The following BEND3 variants were observed in gnomAD, a reference collection of about 807,000 sequenced individuals.
The protein encoded by BEND3 is BEN domain containing 3.
A neutral mutation model predicts 60.1 loss-of-function variants in BEND3; 13 were observed. The ratio of observed to expected loss-of-function variants is 0.22; its 90% confidence interval spans 0.14 to 0.34. The LOEUF (loss-of-function observed/expected upper bound fraction) is 0.34. BEND3 is among the 10% of genes least tolerant of loss of function. The pLI is 1.00. For missense variants in BEND3, 896 were observed against 1,138.1 expected, an observed-to-expected ratio of 0.79 and a Z score of 3.06; for synonymous variants, 497 against 491.5, an observed-to-expected ratio of 1.01 and a Z score of -0.15.
rs568428354 is a variant in BEND3 at position 107,084,454 on chromosome 6, TGCACCAATCAGCACTCTGTAAAAAC to T, written c.241-13529_241-13505del. Among the ~76,000 whole-genome samples the T allele has an allele frequency of 2.9e-3, 435 of 150,104 alleles. 3 individuals are homozygous for T. The highest frequency in any genetic ancestry group is 0.01 in the African/African-American group (410 of 40,652). On this transcript the variant is annotated intron_variant, in intron 3 of 3. Coordinates refer to ENST00000369042, the MANE Select transcript of BEND3 (RefSeq NM_001367314.1). Reference sequence around the variant, plus strand: ...CTGTGTCTAGCTAAAGGACTATAAATGCACCAATCAGCACTCTGTAAAAACGCACCAATCAGCACTCTGTAAAAAC... The same window carrying T: ...CTGTGTCTAGCTAAAGGACTATAAATGCACCAATCAGCACTCTGTAAAAAC...
intron 3 of BEND3, among the ~76,000 whole-genome samples, chr6:107,088,578 T>TA (rs1411071322): frequency 5.9e-5 from 9 of 151,788 alleles, no homozygotes; most frequent in Admixed American, 1.3e-4. Flanking sequence ...AATCAAAGAT[T>TA]AAAAAAAATC....
intron 3 of BEND3, among the ~76,000 whole-genome samples, chr6:107,097,050 T>C (rs1333127355): frequency 2.0e-5 from 3 of 151,860 alleles, no homozygotes; most frequent in African/African-American, 4.8e-5. Context: ...GTGAAAGGTA[T>C]AGTATGTGAA....
rs374180416 is a variant in BEND3, at chr6:107,069,731, G to A, written c.1460C>T (p.Ala487Val). ...NDELEGLGLD[A>V]GSEGDPPRDD... ...ACGCGGGGGGTCGCCTTCACTGCCC[G>A]CGTCCAGCCCCAGGCCCTCGAGCTC... Residue 487 changes from alanine to valine, a missense_variant, in exon 4 of 4, where the codon GCG (alanine) becomes GTG (valine). This residue lies in a region of BEND3 where 846 missense variants were observed against 1,036.7 expected (regional missense o/e 0.82). Transcript: ENST00000369042. The A allele has an allele frequency of 2.7e-5, 44 of 1,611,398 alleles. No individual in the cohort carries two copies. The highest frequency in any genetic ancestry group is 1.5e-4 in the Admixed American group (9 of 59,994).
intron 3 of BEND3, among the ~76,000 whole-genome samples, chr6:107,093,302 T>C (rs1239628046): frequency 3.3e-5 from 5 of 151,690 alleles, no homozygotes; most frequent in African/African-American, 9.7e-5. Flanking sequence ...CTACTAAAAA[T>C]ACAAAAAAAT....
At chr6:107,088,549 C>T (rs1428169125) in intron 3 of BEND3, among the ~76,000 whole-genome samples, 3 of 152,104 alleles carry the variant, frequency 2.0e-5, no homozygotes, top group African/African-American at 7.2e-5. Flanking sequence ...CCTAGGCATA[C>T]TGTTTTCAAA....
intron 1 of BEND3, among the ~76,000 whole-genome samples, chr6:107,110,012 C>T (rs187852220): frequency 2.1e-5 from 3 of 139,850 alleles, no homozygotes; most frequent in Admixed American, 1.5e-4. Context: ...TCCTGGGTGA[C>T]AGAGTGAGAC....
intron 3 of BEND3, among the ~76,000 whole-genome samples, chr6:107,074,079 GCA>G (rs1775047612): frequency 6.6e-6 from 1 of 152,096 alleles, no homozygotes; most frequent in African/African-American, 2.4e-5. Context: ...AGGAGACAGT[GCA>G]CACACAGCAC....
At chr6:107,093,984 T>C (rs543014394) in intron 3 of BEND3, among the ~76,000 whole-genome samples, 34 of 152,316 alleles carry the variant, frequency 2.2e-4, no homozygotes, top group African/African-American at 7.9e-4. Context: ...GCAAAAGACA[T>C]ACCTGATAAA....
chr6:107,069,358 G>T lies in BEND3; in HGVS notation c.1833C>A (p.Ile611=). 6.2e-7 allele frequency: 1 copy of T among 1,612,744 alleles called. No individual in the cohort carries two copies. Among genetic ancestry groups the T allele is most frequent in the East Asian group, 2.2e-5 (1 of 44,874 alleles). The change falls in exon 4 of 4, where the codon ATC becomes ATA. Residue 611 remains isoleucine (I), a synonymous_variant. Coordinates refer to ENST00000369042, the MANE Select transcript of BEND3 (RefSeq NM_001367314.1). ...GCTGCACGTAGTGGCGGATGAGCTT[G>T]ATGCGGGAGGGGTCCAGCTGCTTCT... ...LGKKQLDPSR[I]KLIRHYVQLL...
At chr6:107,087,792 CTTTT>C (rs34765639) in intron 3 of BEND3, among the ~76,000 whole-genome samples, 13 of 92,382 alleles carry the variant, frequency 1.4e-4, no homozygotes, top group African/African-American at 5.4e-4. Context: ...AATGAAAATA[CTTTT>C]TTTTTTTTTT....
chr6:107,102,898 T>TC (rs1197968987), intron 1 of BEND3, among the ~76,000 whole-genome samples: 56 of 152,288 alleles, frequency 3.7e-4, no homozygotes, highest in African/African-American at 1.3e-3. Context: ...GACAGGTAAC[T>TC]CCTCCAGTGT....
At chr6:107,111,158 C>T (rs1267714193) in intron 1 of BEND3, among the ~76,000 whole-genome samples, 1 of 152,032 alleles carries the variant, frequency 6.6e-6, no homozygotes, top group Non-Finnish European at 1.5e-5. Flanking sequence ...GAGAAAGACC[C>T]TGTCTCAAAA....
At position 107,067,752 on chromosome 6, in the gene BEND3, G is replaced by C. The variant is rs1234111128; in HGVS notation, c.*952C>G. The C allele has an allele frequency of 2.0e-5, 3 of 152,182 alleles. No individual in the cohort carries two copies. The highest frequency in any genetic ancestry group is 4.4e-5 in the Non-Finnish European group (3 of 68,086). 9.4% of individuals were successfully genotyped at this position (152,182 alleles called of 1,614,324 possible). ...CTGGATTTTGTACAAATACACACAC[G>C]GAAAAGTAAACAGTTCATGGTGAGC... On this transcript the variant is annotated 3_prime_UTR_variant, in exon 4 of 4. Transcript: ENST00000369042.
intron 1 of BEND3, among the ~76,000 whole-genome samples, chr6:107,113,353 G>T (rs186978281): frequency 2.3e-4 from 32 of 140,308 alleles, no homozygotes; most frequent in Non-Finnish European, 4.5e-4. Context: ...CAGGAAAATC[G>T]CTTGAACCCG....
intron 1 of BEND3, among the ~76,000 whole-genome samples, chr6:107,109,026 G>A (rs1056816087): frequency 6.6e-6 from 1 of 151,844 alleles, no homozygotes; most frequent in Admixed American, 6.6e-5. Flanking sequence ...GGCTGGTCTC[G>A]AACTCCTGGC....
chr6:107,098,871 T>C (rs1554236397), intron 2 of BEND3, 118 bp from the exon 3 acceptor site: 3 of 767,848 alleles, frequency 3.9e-6, no homozygotes, highest in Non-Finnish European at 6.4e-6. Context: ...GCTGAGATAA[T>C]GATGTCTAGT....
chr6:107,088,965 G>A (rs1775413144), intron 3 of BEND3, among the ~76,000 whole-genome samples: 1 of 152,182 alleles, frequency 6.6e-6, no homozygotes, highest in East Asian at 1.9e-4. Flanking sequence ...GGTCAACATG[G>A]CGAAACCCAG....
At chr6:107,080,371 A>AAAAAAAAAAAAAAAAC (rs1775204537) in intron 3 of BEND3, among the ~76,000 whole-genome samples, 1 of 119,172 alleles carries the variant, frequency 8.4e-6, no homozygotes, top group African/African-American at 3.4e-5. Flanking sequence ...AAAAAAAAAA[A>AAAAAAAAAAAAAAAAC]AAAAAACAAA....
chr6:107,085,708 G>T (rs1775331339), intron 3 of BEND3, among the ~76,000 whole-genome samples: 1 of 151,482 alleles, frequency 6.6e-6, no homozygotes, highest in Non-Finnish European at 1.5e-5. Context: ...AGCCAGGATG[G>T]TCTCGATTTC....
Sources: allele counts gnomAD v4.1 joint callset (sites outside exome capture counted in the v4.1 genomes callset), GRCh38; gene constraint gnomAD v4.1.1; regional missense constraint gnomAD v4.1.1; transcripts MANE v1.5; gene names NCBI Gene and HGNC (gene_info 2026-07-23, HGNC 2026-07-21).